TSHZ3: variants seen among roughly 807,000 people sequenced by gnomAD.
The protein encoded by TSHZ3 is teashirt zinc finger homeobox 3, also known as teashirt homolog 3.
In TSHZ3, 10 loss-of-function variants were observed where a neutral mutation model predicts 64.5. The ratio of observed to expected loss-of-function variants is 0.16; its 90% CI spans 0.10 to 0.26. The LOEUF (loss-of-function observed/expected upper bound fraction) is 0.26, where lower values mean the gene tolerates loss of function less well. Ranked by LOEUF, TSHZ3 falls within the 10% of genes least tolerant of loss-of-function variation. The pLI, the probability that TSHZ3 is intolerant of heterozygous loss-of-function variation, is 1.00. For missense variants in TSHZ3, 1,242 were observed against 1,421.7 expected (o/e 0.87, Z 2.03); for synonymous variants, 608 against 593.1 (o/e 1.03, Z -0.36).
rs1315014728 is a variant in TSHZ3 at position 31,332,880 on chromosome 19, T to A, written c.40+16300A>T. Among the ~76,000 whole-genome samples the A allele has an allele frequency of 2.0e-5, 3 of 151,662 alleles. No homozygotes were observed. The East Asian group carries it at 5.8e-4, about 30-fold the overall frequency. ...CAGCACTTTTGGAGACCGAGGAGGGTAGACTGCTTGAGCCCAGGAGTTCGA... is the reference window on the plus strand; with the variant it reads ...CAGCACTTTTGGAGACCGAGGAGGGAAGACTGCTTGAGCCCAGGAGTTCGA... On this transcript the variant is annotated intron_variant, in intron 1 of 1. Transcript: ENST00000240587.
At chr19:31,166,009 T>C (rs1974446088) in intron 5 of TSHZ3, among the ~76,000 whole-genome samples, 1 of 152,130 alleles carries the variant, frequency 6.6e-6, no homozygotes, top group African/African-American at 2.4e-5. Context: ...TAAAAAGGGA[T>C]TTAGTGTTAC....
chr19:31,233,595 G>A (rs1004069551), intron 3 of TSHZ3, among the ~76,000 whole-genome samples: 1 of 152,056 alleles, frequency 6.6e-6, no homozygotes, highest in African/African-American at 2.4e-5. Context: ...ATTTGATGAT[G>A]TACAACTGGT....
At chr19:31,323,579 G>T (rs1219157233) in intron 1 of TSHZ3, among the ~76,000 whole-genome samples, 1 of 152,102 alleles carries the variant, frequency 6.6e-6, no homozygotes, top group Non-Finnish European at 1.5e-5. Flanking sequence ...ACTCTACCAA[G>T]TGGGAGCACT....
chr19:31,220,429 C>T (rs1046103702), intron 4 of TSHZ3, among the ~76,000 whole-genome samples: 1 of 152,158 alleles, frequency 6.6e-6, no homozygotes, highest in Admixed American at 6.5e-5. Context: ...CAACTGAGGT[C>T]TCTCACTGCC....
intron 1 of TSHZ3, among the ~76,000 whole-genome samples, chr19:31,296,575 A>T (rs542010543): frequency 1.3e-5 from 2 of 152,250 alleles, no homozygotes; most frequent in South Asian, 4.1e-4. Context: ...ACCTCAGGTG[A>T]TCTGCCCGCC....
intron 1 of TSHZ3, among the ~76,000 whole-genome samples, chr19:31,306,729 A>G (rs1024993569): frequency 5.5e-4 from 84 of 152,222 alleles, no homozygotes; most frequent in African/African-American, 1.9e-3. Context: ...ATAACTAATT[A>G]TGCTTCTAAA....
intron 1 of TSHZ3, among the ~76,000 whole-genome samples, chr19:31,283,142 C>G (rs1004769902): frequency 6.6e-6 from 1 of 152,020 alleles, no homozygotes; most frequent in Non-Finnish European, 1.5e-5. Context: ...AGACCACCTT[C>G]GGCAACATGG....
chr19:31,266,390 G>C (rs1976054527), intron 1 of TSHZ3, among the ~76,000 whole-genome samples: 1 of 152,134 alleles, frequency 6.6e-6, no homozygotes, highest in Admixed American at 6.5e-5. Context: ...CTTGAGCCCA[G>C]GAGTTCAAGG....
intron 4 of TSHZ3, among the ~76,000 whole-genome samples, chr19:31,208,822 C>T (rs983143737): frequency 2.0e-5 from 3 of 152,252 alleles, no homozygotes; most frequent in South Asian, 2.1e-4. Flanking sequence ...TCTTACTTAC[C>T]AACGCTACCT....
At chr19:31,323,593 T>G (rs1267617521) in intron 1 of TSHZ3, among the ~76,000 whole-genome samples, 3 of 152,094 alleles carry the variant, frequency 2.0e-5, no homozygotes, top group African/African-American at 7.2e-5. Flanking sequence ...GAGCACTGGA[T>G]TTACCTCTGC....
intron 1 of TSHZ3, among the ~76,000 whole-genome samples, chr19:31,280,785 G>T (rs1976348307): frequency 6.6e-6 from 1 of 152,220 alleles, no homozygotes; most frequent in South Asian, 2.1e-4. Context: ...GCGCCTGCAG[G>T]TTCTGGAAGA....
chr19:31,240,665 T>C (rs1028936701), intron 3 of TSHZ3, among the ~76,000 whole-genome samples: 2 of 152,184 alleles, frequency 1.3e-5, no homozygotes, highest in African/African-American at 4.8e-5. Context: ...ATTAAGCAAT[T>C]AAATATTTTC....
At chr19:31,341,210 A>C (rs1336758472) in intron 1 of TSHZ3, among the ~76,000 whole-genome samples, 1 of 152,218 alleles carries the variant, frequency 6.6e-6, no homozygotes, top group African/African-American at 2.4e-5. Context: ...AGGTAAAATT[A>C]AATGGCAAGT....
intron 1 of TSHZ3, among the ~76,000 whole-genome samples, chr19:31,295,796 G>A (rs1031864268): frequency 6.6e-6 from 1 of 151,332 alleles, no homozygotes; most frequent in Non-Finnish European, 1.5e-5. Context: ...TCAACTTTGG[G>A]GTTCAGGGGG....
At chr19:31,338,914 A>G (rs1436599046) in intron 1 of TSHZ3, among the ~76,000 whole-genome samples, 1 of 151,602 alleles carries the variant, frequency 6.6e-6, no homozygotes, top group Non-Finnish European at 1.5e-5. Flanking sequence ...AGCTGCAATG[A>G]GAAGGCAAGG....
chr19:31,298,719 A>C (rs1039281144), intron 1 of TSHZ3, among the ~76,000 whole-genome samples: 1 of 152,134 alleles, frequency 6.6e-6, no homozygotes, highest in African/African-American at 2.4e-5. Flanking sequence ...TCATGGATGA[A>C]GAGACTGACG....
At chr19:31,196,181 G>A in intron 5 of TSHZ3, among the ~76,000 whole-genome samples, 1 of 151,862 alleles carries the variant, frequency 6.6e-6, no homozygotes, top group Non-Finnish European at 1.5e-5. Flanking sequence ...TGTTATTAAA[G>A]TATTCACATT....
At chr19:31,333,894 G>C (rs925525890) in intron 1 of TSHZ3, among the ~76,000 whole-genome samples, 4 of 152,176 alleles carry the variant, frequency 2.6e-5, no homozygotes, top group African/African-American at 9.7e-5. Context: ...GTCAAGTAAT[G>C]AAAGATGTTT....
intron 1 of TSHZ3, among the ~76,000 whole-genome samples, chr19:31,297,684 T>G (rs1599633324): frequency 6.6e-6 from 1 of 152,184 alleles, no homozygotes; most frequent in East Asian, 1.9e-4. Context: ...CCCAGGCTGG[T>G]CTTGAACTCC....
Sources: gnomAD v4.1 joint callset for allele counts (sites outside exome capture counted in the v4.1 genomes callset) on GRCh38, gnomAD v4.1.1 for gene constraint, MANE v1.5 for transcripts, NCBI Gene and HGNC (gene_info 2026-07-23, HGNC 2026-07-21) for gene names.